The following NTM variants were observed in gnomAD, a reference collection of about 807,000 sequenced individuals.
The protein encoded by NTM is IgLON family member 2.
NTM carries 13 observed loss-of-function variants against 42.1 expected under a neutral mutation model. That is an observed-to-expected ratio of 0.31 (90% CI 0.20 to 0.49). The LOEUF is 0.49. Ranked by LOEUF, NTM falls within the 20% of genes least tolerant of loss-of-function variation. The probability of loss-of-function intolerance (pLI) is 0.99; values close to 1 mark genes in which losing one functional copy is unlikely to be tolerated. For missense variants in NTM, 373 were observed against 452.8 expected, an observed-to-expected ratio of 0.82 and a Z score of 1.60; for synonymous variants, 187 against 179.2, an observed-to-expected ratio of 1.04 and a Z score of -0.35.
chr11:131,832,616 G>T (rs1474831619), intron 1 of NTM, among the ~76,000 whole-genome samples: 2 of 152,118 alleles, frequency 1.3e-5, no homozygotes, highest in Non-Finnish European at 2.9e-5. Flanking sequence ...CTCAAAGCAG[G>T]GTCTGGCATT....
At chr11:131,891,543 A>G (rs955582063) in intron 1 of NTM, among the ~76,000 whole-genome samples, 13 of 152,184 alleles carry the variant, frequency 8.5e-5, no homozygotes, top group Admixed American at 8.5e-4. Flanking sequence ...GAGTTTAGCC[A>G]TGACATCCTG....
intron 1 of NTM, among the ~76,000 whole-genome samples, chr11:131,561,054 G>C (rs2056165956): frequency 1.3e-5 from 2 of 152,220 alleles, no homozygotes; most frequent in South Asian, 2.1e-4. Flanking sequence ...TCCTAGTTCT[G>C]TGTTGCAAAA....
chr11:132,303,761 G>A (rs1488722743), intron 4 of NTM, among the ~76,000 whole-genome samples: 1 of 150,958 alleles, frequency 6.6e-6, no homozygotes, highest in African/African-American at 2.4e-5. Flanking sequence ...CATCATGTTG[G>A]TCCAGGATGA....
At chr11:131,903,132 G>A (rs1486747342) in intron 1 of NTM, among the ~76,000 whole-genome samples, 2 of 150,146 alleles carry the variant, frequency 1.3e-5, no homozygotes. Flanking sequence ...CTGAAGAGAA[G>A]AAAAAAAAAA....
chr11:132,191,415 G>T (rs559811063), intron 3 of NTM, among the ~76,000 whole-genome samples: 1 of 152,324 alleles, frequency 6.6e-6, no homozygotes, highest in South Asian at 2.1e-4. Context: ...GGAGTGATCA[G>T]CTGAGCCTTG....
At chr11:132,055,383 G>C (rs929118078) in intron 2 of NTM, among the ~76,000 whole-genome samples, 4 of 152,124 alleles carry the variant, frequency 2.6e-5, no homozygotes, top group African/African-American at 9.7e-5. Flanking sequence ...CGTCAGAGGG[G>C]TTAACACATT....
At chr11:131,961,003 C>A (rs2062106801) in intron 2 of NTM, among the ~76,000 whole-genome samples, 5 of 152,152 alleles carry the variant, frequency 3.3e-5, no homozygotes. Context: ...TGGCCATCAC[C>A]TTTTTCATCC....
chr11:132,330,828 G>T (rs1353064985), intron 8 of NTM, among the ~76,000 whole-genome samples: 1 of 152,204 alleles, frequency 6.6e-6, no homozygotes, highest in Non-Finnish European at 1.5e-5. Context: ...CTGTGGAGTG[G>T]AGGCGTGGCT....
chr11:131,635,825 T>G (rs943544744), intron 1 of NTM, among the ~76,000 whole-genome samples: 2 of 152,184 alleles, frequency 1.3e-5, no homozygotes, highest in Non-Finnish European at 2.9e-5. Context: ...TCATAGTAAG[T>G]GCCCTATACA....
At chr11:131,830,663 G>T (rs1453991948) in intron 1 of NTM, among the ~76,000 whole-genome samples, 6 of 152,052 alleles carry the variant, frequency 3.9e-5, no homozygotes, top group Admixed American at 3.9e-4. Flanking sequence ...CTCTTTTTTG[G>T]TTCCATGTGA....
At chr11:131,762,022 T>C (rs1248007268) in intron 1 of NTM, among the ~76,000 whole-genome samples, 1 of 152,144 alleles carries the variant, frequency 6.6e-6, no homozygotes, top group African/African-American at 2.4e-5. Flanking sequence ...GATCTTGGAC[T>C]TCCAGCCTTC....
intron 1 of NTM, among the ~76,000 whole-genome samples, chr11:131,435,539 T>A (rs1360035669): frequency 6.6e-6 from 1 of 152,204 alleles, no homozygotes; most frequent in Non-Finnish European, 1.5e-5. Flanking sequence ...GTTATTTGAT[T>A]CTCTTTGTAG....
chr11:132,042,373 G>C (rs931915379), intron 2 of NTM, among the ~76,000 whole-genome samples: 3 of 152,186 alleles, frequency 2.0e-5, no homozygotes, highest in African/African-American at 7.2e-5. Context: ...TGGTCAATCA[G>C]ATCTTTGTAT....
chr11:131,767,785 A>G (rs1273990972), intron 1 of NTM, among the ~76,000 whole-genome samples: 1 of 152,186 alleles, frequency 6.6e-6, no homozygotes, highest in East Asian at 1.9e-4. Flanking sequence ...TGCCCGACAC[A>G]TGGCAAGCCA....
At chr11:131,449,950 C>T (rs977434529) in intron 1 of NTM, among the ~76,000 whole-genome samples, 8 of 152,194 alleles carry the variant, frequency 5.3e-5, no homozygotes, top group African/African-American at 9.6e-5. Flanking sequence ...TGTTTACTCA[C>T]GCACGCATTG....
intron 2 of NTM, among the ~76,000 whole-genome samples, chr11:132,122,448 A>T (rs1002413457): frequency 2.6e-5 from 4 of 152,190 alleles, no homozygotes; most frequent in African/African-American, 9.7e-5. Context: ...TTTCATAGGA[A>T]TGAATACTTG....
chr11:132,224,843 C>A (rs2085877876), intron 4 of NTM, among the ~76,000 whole-genome samples: 2 of 152,184 alleles, frequency 1.3e-5, no homozygotes, highest in Admixed American at 6.5e-5. Flanking sequence ...GGGTGGAGGA[C>A]AGGCTGGGAA....
intron 1 of NTM, among the ~76,000 whole-genome samples, chr11:131,638,369 C>T (rs1434571105): frequency 6.6e-6 from 1 of 151,998 alleles, no homozygotes; most frequent in African/African-American, 2.4e-5. Context: ...GAGTTCAAGA[C>T]CAGCCTGGCC....
At chr11:132,281,957 C>G in intron 4 of NTM, among the ~76,000 whole-genome samples, 1 of 152,150 alleles carries the variant, frequency 6.6e-6, no homozygotes, top group East Asian at 1.9e-4. Context: ...AACCTGTGAG[C>G]TTTAAGCCCA....
Sources: allele counts gnomAD v4.1 joint callset (sites outside exome capture counted in the v4.1 genomes callset), GRCh38; gene constraint gnomAD v4.1.1; transcripts MANE v1.5; gene names NCBI Gene and HGNC (gene_info 2026-07-23, HGNC 2026-07-21).